The following CFAP47 variants were observed in gnomAD, a reference collection of about 807,000 sequenced individuals.
CFAP47 encodes cilia and flagella associated protein 47, also known as cilia- and flagella-associated protein 47.
A neutral mutation model predicts 148.1 loss-of-function variants in CFAP47; 29 were observed. That is an observed-to-expected ratio of 0.20 (90% CI 0.15 to 0.27). The LOEUF (loss-of-function observed/expected upper bound fraction) is 0.27. Among genes scored for constraint, CFAP47 ranks in the 10% least tolerant of loss-of-function variants. The pLI, the probability that CFAP47 is intolerant of heterozygous loss-of-function variation, is 1.00. For missense variants in CFAP47, 1,872 were observed against 1,697.5 expected, an observed-to-expected ratio of 1.10 and a Z score of -1.81; for synonymous variants, 664 against 577.3, an observed-to-expected ratio of 1.15 and a Z score of -2.15.
chrX:36,211,624 C>CA (rs61471021), intron 45 of CFAP47: 45 of 189,951 alleles, frequency 2.4e-4, no homozygotes, highest in East Asian at 1.6e-3. Flanking sequence ...CCTGATGCAG[C>CA]AAAAAAAAGG....
intron 40 of CFAP47, among the ~76,000 whole-genome samples, chrX:36,184,925 C>T (rs1348436531): frequency 1.9e-5 from 2 of 105,647 alleles, no homozygotes; most frequent in Non-Finnish European, 3.9e-5. Context: ...AAGAGCAAAA[C>T]TTCGTCTCAG....
At chrX:36,081,048 A>G (rs1937970545) in intron 29 of CFAP47, among the ~76,000 whole-genome samples, 1 of 111,911 alleles carries the variant, frequency 8.9e-6, no homozygotes, top group Non-Finnish European at 1.9e-5. Flanking sequence ...AAGAATCAAC[A>G]AAACCAAAAC....
chrX:36,367,133 A>G lies in CFAP47; in HGVS notation c.9185+6A>G, dbSNP rs1556020472. The G allele has an allele frequency of 1.8e-6, 2 of 1,111,110 alleles. No homozygotes were observed. Among genetic ancestry groups the G allele is most frequent in the South Asian group, 4.3e-5 (2 of 46,116 alleles). The allele number at this position is 1,111,110 out of a possible 1,213,427, so 91.6% of individuals were successfully genotyped here. A position where few individuals can be genotyped will look rare whatever the true frequency, so the allele number is the denominator to read the frequency against. ...AGGCTGAAAAGTCAGACAAGGTAAT[A>G]TATTAAACAAAAGTATGTAGCTGTT... On this transcript the variant is annotated splice_donor_region_variant and intron_variant, in intron 62 of 63. Transcript: ENST00000378653.
chrX:36,109,790 A>C (rs1273749977), intron 33 of CFAP47, among the ~76,000 whole-genome samples: 1 of 111,546 alleles, frequency 9.0e-6, no homozygotes, highest in East Asian at 2.8e-4. Context: ...TTGACTTTTT[A>C]ATAAGAGCCA....
intron 19 of CFAP47, among the ~76,000 whole-genome samples, chrX:35,999,106 A>T (rs1936883468): frequency 8.9e-6 from 1 of 112,077 alleles, no homozygotes; most frequent in Non-Finnish European, 1.9e-5. Context: ...GAGCACATAT[A>T]CAATGCTCAT....
intron 20 of CFAP47, among the ~76,000 whole-genome samples, chrX:36,001,124 A>G (rs1043471194): frequency 8.9e-6 from 1 of 111,824 alleles, no homozygotes; most frequent in Non-Finnish European, 1.9e-5. Context: ...TTGAATCCCA[A>G]TTACAGGCAA....
At chrX:35,926,462 T>C (rs1479218765) in intron 2 of CFAP47, among the ~76,000 whole-genome samples, 1 of 111,887 alleles carries the variant, frequency 8.9e-6, no homozygotes, top group African/African-American at 3.2e-5. Context: ...AATTTTAAAT[T>C]AGGCAAATGT....
intron 1 of CFAP47, among the ~76,000 whole-genome samples, chrX:35,924,277 G>A (rs977833246): frequency 3.5e-4 from 35 of 101,090 alleles, no homozygotes; most frequent in African/African-American, 1.2e-3. Context: ...ACATGTATGT[G>A]TATATGTACA....
chrX:36,006,266 A>T (rs1170356843), intron 21 of CFAP47, among the ~76,000 whole-genome samples: 1 of 110,961 alleles, frequency 9.0e-6, no homozygotes. Flanking sequence ...AAAATTAATT[A>T]TATATATTTA....
intron 2 of CFAP47, among the ~76,000 whole-genome samples, chrX:35,927,602 T>C (rs777228493): frequency 9.1e-6 from 1 of 110,341 alleles, no homozygotes; most frequent in East Asian, 2.8e-4. Flanking sequence ...GGAAGGTGTG[T>C]GTGTGTGTGT....
chrX:36,100,168 C>G (rs1938350387), intron 32 of CFAP47, among the ~76,000 whole-genome samples: 1 of 111,059 alleles, frequency 9.0e-6, no homozygotes, highest in Non-Finnish European at 1.9e-5. Context: ...AAGGATGTGA[C>G]CTGTGAAATA....
chrX:36,359,975 G>A (rs868963258), intron 60 of CFAP47, among the ~76,000 whole-genome samples: 2 of 110,565 alleles, frequency 1.8e-5, no homozygotes, highest in African/African-American at 6.6e-5. Context: ...GGATGGTCTC[G>A]ATCTCCTGAC....
chrX:35,942,362 A>G (rs1413665657), intron 3 of CFAP47, among the ~76,000 whole-genome samples: 1 of 111,586 alleles, frequency 9.0e-6, no homozygotes, highest in African/African-American at 3.3e-5. Context: ...TTCTTAGGAT[A>G]CAAAGGAATA....
intron 8 of CFAP47, among the ~76,000 whole-genome samples, chrX:35,960,409 G>T (rs6632436): frequency 0.12 from 8,051 of 69,034 alleles, 668 homozygotes; most frequent in African/African-American, 0.33. Context: ...AAAAAAAAAG[G>T]ACAGCTGGAA....
In CFAP47 at chrX:36,341,334, C is replaced by T. The variant is rs781937358; in HGVS notation, c.8444-6795C>T. Among the ~76,000 whole-genome samples, 154 of 111,161 alleles carry T rather than the reference C, an allele frequency of 1.4e-3. 1 individual carries two copies. The highest frequency in any genetic ancestry group is 4.7e-3 in the African/African-American group (143 of 30,637). ...ACAGGCGTGAGCCACCGCGCCTGGC[C>T]GGTGCTAGAATATTTCTTAGTGTCT... On this transcript the variant is annotated intron_variant, in intron 57 of 63. Coordinates refer to ENST00000378653, the MANE Select transcript of CFAP47 (RefSeq NM_001304548.2).
rs1602092919 is a variant in CFAP47 at position 36,289,649 on chromosome X, A to G, written c.7686+3923A>G. On this transcript the variant is annotated intron_variant, in intron 51 of 63. Transcript: ENST00000378653. ...TATACTCTATTTTTAAAAATTTTAA[A>G]GCACTTGTTGGCTCCCAAAAGATAT... Among the ~76,000 whole-genome samples the G allele has an allele frequency of 2.7e-5, 3 of 111,997 alleles. No homozygotes were observed. In the South Asian group the frequency reaches 1.1e-3, roughly 42 times the overall value.
intron 26 of CFAP47, among the ~76,000 whole-genome samples, chrX:36,053,519 A>G (rs1214544735): frequency 9.0e-6 from 1 of 111,197 alleles, no homozygotes; most frequent in African/African-American, 3.3e-5. Flanking sequence ...AGATAGAATA[A>G]GCAGTGAGGA....
intron 1 of CFAP47, among the ~76,000 whole-genome samples, chrX:35,924,537 G>A (rs757574998): frequency 2.9e-5 from 3 of 104,587 alleles, no homozygotes; most frequent in African/African-American, 7.1e-5. Context: ...GCACATATAT[G>A]TGCACCTATA....
At chrX:35,924,207 G>T (rs1450974467) in intron 1 of CFAP47, among the ~76,000 whole-genome samples, 1 of 104,507 alleles carries the variant, frequency 9.6e-6, no homozygotes, top group Non-Finnish European at 1.9e-5. Context: ...ATATGGACAT[G>T]TATGTGTGCA....
Sources: gnomAD v4.1 joint callset for allele counts (sites outside exome capture counted in the v4.1 genomes callset) on GRCh38, gnomAD v4.1.1 for gene constraint, MANE v1.5 for transcripts, NCBI Gene and HGNC (gene_info 2026-07-23, HGNC 2026-07-21) for gene names.